C4BPB: variants seen among roughly 807,000 people sequenced by gnomAD.
C4BPB encodes C4b-binding protein beta chain.
C4BPB carries 19 observed loss-of-function variants against 26.6 expected under a neutral mutation model. The observed-to-expected ratio is 0.71, with a 90% CI of 0.50 to 1.05. The LOEUF is 1.05. Ranked by LOEUF, C4BPB falls within the 50% of genes least tolerant of loss-of-function variation. The probability of loss-of-function intolerance (pLI) is 0.00; values close to 1 mark genes in which losing one functional copy is unlikely to be tolerated. For synonymous variants in C4BPB, 118 were observed against 103.5 expected (o/e 1.14, Z -0.85); for missense variants, 282 against 302.9 (o/e 0.93, Z 0.51).
At position 207,089,499 on chromosome 1, in the gene C4BPB, AT is replaced by A; in HGVS notation, c.-31del. 6.2e-7 allele frequency: 1 copy of A among 1,610,024 alleles called. No individual in the cohort carries two copies. The highest frequency in any genetic ancestry group is 8.5e-7 in the Non-Finnish European group (1 of 1,176,382). On this transcript the variant is annotated 5_prime_UTR_variant, in exon 2 of 7. Coordinates refer to ENST00000367078, the MANE Select transcript of C4BPB (RefSeq NM_001017365.3). ...CAAACCAGGTGTCTGAGCTGGGTGAATTCCAGCCTGGGGAGAGGACTTTGAT... is the reference window on the plus strand; with the variant it reads ...CAAACCAGGTGTCTGAGCTGGGTGAATCCAGCCTGGGGAGAGGACTTTGAT...
intron 4 of C4BPB, 175 bp downstream of exon 4, chr1:207,091,995 G>A (rs1684046187): frequency 1.8e-6 from 1 of 569,856 alleles, no homozygotes; most frequent in Non-Finnish European, 3.0e-6. Flanking sequence ...CACCTCAAGA[G>A]AATACATTCC....
intron 1 of C4BPB, 177 bp from the exon 2 acceptor site, chr1:207,089,305 G>A (rs1052511): frequency 0.015 from 7,065 of 469,628 alleles, 361 homozygotes; most frequent in African/African-American, 0.12. Context: ...CCATCCCTTT[G>A]TATTTTTGCA....
intron 5 of C4BPB, 26 bp from the exon 6 acceptor site, chr1:207,098,124 T>G: frequency 6.3e-7 from 1 of 1,579,324 alleles, no homozygotes; most frequent in Non-Finnish European, 8.7e-7. Context: ...GTGGAAAAGC[T>G]AAGCCTTGTT....
rs546286544 is a variant in C4BPB at position 207,089,700 on chromosome 1, T to A, written c.58+111T>A. 3.8e-4 allele frequency: 339 copies of A among 884,824 alleles called. 2 individuals are homozygous for A. In the South Asian group the frequency reaches 4.9e-3, roughly 13 times the overall value. 54.8% of individuals were successfully genotyped at this position (884,824 alleles called of 1,614,324 possible). A position where few individuals can be genotyped will look rare whatever the true frequency, so the allele number is the denominator to read the frequency against. ...AAGTTTACATTTATAATATCTTTATTCTTCTATTGAAAAATCTCAAATTGG... is the reference window on the plus strand; with the variant it reads ...AAGTTTACATTTATAATATCTTTATACTTCTATTGAAAAATCTCAAATTGG... On this transcript the variant is annotated intron_variant, in intron 2 of 6. Coordinates refer to ENST00000367078, the MANE Select transcript of C4BPB (RefSeq NM_001017365.3).
At chr1:207,095,234 A>T (rs1047398810) in intron 4 of C4BPB, 9 of 454,684 alleles carry the variant, frequency 2.0e-5, no homozygotes, top group South Asian at 1.4e-4. Flanking sequence ...TAGCTAGTGG[A>T]AGAGCCAGTA....
At chr1:207,089,712 A>G in intron 2 of C4BPB, 123 bp downstream of exon 2, 1 of 805,484 alleles carries the variant, frequency 1.2e-6, no homozygotes, top group Non-Finnish European at 2.0e-6. Context: ...TTCTATTGAA[A>G]AATCTCAAAT....
At position 207,099,833 on chromosome 1, in the gene C4BPB, C is replaced by T. The variant is rs1194616806; in HGVS notation, c.663C>T (p.Asn221=). Residue 221 remains asparagine, a synonymous_variant, in exon 7 of 7, where the codon AAC becomes AAT. Coordinates refer to ENST00000367078, the MANE Select transcript of C4BPB (RefSeq NM_001017365.3). The stretch of plus-strand genomic sequence containing the variant: ...AGAACCTCTGCGAAGCCATGGAGAA[C>T]TTTATGCAACAATTAAAGGAAAGTG... The part of the protein sequence containing the change: ...ESKNLCEAME[N]FMQQLKESGM... 1.2e-6 allele frequency: 2 copies of T among 1,613,854 alleles called. No homozygotes were observed. The highest frequency in any genetic ancestry group is 4.5e-5 in the East Asian group (2 of 44,876).
chr1:207,091,731 G>T lies in C4BPB; in HGVS notation c.320G>T (p.Cys107Phe). ...GTAAGTGACAAAATCACGTTTATGTGCAATGACCACTACATCCTCAAGGGC... is the reference window on the plus strand; with the variant it reads ...GTAAGTGACAAAATCACGTTTATGTTCAATGACCACTACATCCTCAAGGGC... ...VNVSDKITFM[C>F]NDHYILKGSN... is the part of the protein sequence containing the mutation. The change falls in exon 4 of 7, where the codon TGC (cysteine) becomes TTC (phenylalanine). Residue 107 changes from cysteine (C) to phenylalanine (F), a missense_variant. Physicochemically the swap from Cys to Phe is radical, Grantham distance 205. Coordinates refer to ENST00000367078, the MANE Select transcript of C4BPB (RefSeq NM_001017365.3). 6.2e-7 allele frequency: 1 copy of T among 1,614,020 alleles called. No homozygotes were observed.
rs767670680 is a variant in C4BPB at position 207,091,706 on chromosome 1, G to C, written c.295G>C (p.Val99Leu). 3.7e-6 allele frequency: 6 copies of C among 1,614,018 alleles called. No individual in the cohort carries two copies. The highest frequency in any genetic ancestry group is 5.1e-6 in the Non-Finnish European group (6 of 1,179,954). ...GTTCAGTTCTTCAGGGCCTGTGAAT[G>C]TAAGTGACAAAATCACGTTTATGTG... The part of the protein sequence containing the change: ...GEFSSSGPVN[V>L]SDKITFMCND... The change falls in exon 4 of 7, where the codon GTA becomes CTA. Residue 99 changes from valine (V) to leucine (L), a missense_variant. Coordinates refer to ENST00000367078, the MANE Select transcript of C4BPB (RefSeq NM_001017365.3).
chr1:207,095,502 T>C (rs1227669236), intron 4 of C4BPB: 4 of 435,648 alleles, frequency 9.2e-6, no homozygotes, highest in African/African-American at 6.1e-5. Context: ...CTAATTTTTG[T>C]ATTTTTAGTA....
At chr1:207,095,451 C>T (rs1178026387) in intron 4 of C4BPB, 2 of 455,638 alleles carry the variant, frequency 4.4e-6, no homozygotes, top group South Asian at 3.1e-5. Context: ...ATGCCTCAGC[C>T]TCCCAAGTAG....
chr1:207,096,375 G>A (rs763780654), intron 4 of C4BPB, 147 bp from the exon 5 acceptor site: 51 of 659,344 alleles, frequency 7.7e-5, no homozygotes, highest in African/African-American at 6.4e-4. Flanking sequence ...TCCAGATCCC[G>A]CAGGTGTTGC....
intron 6 of C4BPB, among the ~76,000 whole-genome samples, chr1:207,099,450 G>A (rs1319162672): frequency 2.0e-5 from 3 of 152,136 alleles, no homozygotes; most frequent in Non-Finnish European, 4.4e-5. Flanking sequence ...CTGGGGTTGG[G>A]GATCCCTGTT....
In C4BPB at chr1:207,089,488, G is replaced by C; in HGVS notation, c.-44G>C. The C allele has an allele frequency of 1.3e-6, 2 of 1,586,156 alleles. No individual in the cohort carries two copies. The highest frequency in any genetic ancestry group is 1.7e-6 in the Non-Finnish European group (2 of 1,154,510). On this transcript the variant is annotated 5_prime_UTR_variant, in exon 2 of 7. Coordinates refer to ENST00000367078, the MANE Select transcript of C4BPB (RefSeq NM_001017365.3). ...CTATTTTTTTTCAAACCAGGTGTCTGAGCTGGGTGAATTCCAGCCTGGGGA... is the reference window on the plus strand; with the variant it reads ...CTATTTTTTTTCAAACCAGGTGTCTCAGCTGGGTGAATTCCAGCCTGGGGA...
At chr1:207,092,697 G>C (rs867883706) in intron 4 of C4BPB, among the ~76,000 whole-genome samples, 4 of 146,034 alleles carry the variant, frequency 2.7e-5, no homozygotes, top group African/African-American at 1.0e-4. Context: ...GTGTGATCTC[G>C]GCTCACTGCA....
intron 3 of C4BPB, among the ~76,000 whole-genome samples, chr1:207,091,353 A>G (rs973796423): frequency 1.3e-5 from 2 of 152,244 alleles, no homozygotes; most frequent in African/African-American, 2.4e-5. Flanking sequence ...GCTTAATATA[A>G]CAGTACAATA....
rs777331831 is a variant in C4BPB at position 207,091,643 on chromosome 1, G to A, written c.233-1G>A. 1 of 1,610,390 alleles carries A rather than the reference G, an allele frequency of 6.2e-7. No individual in the cohort carries two copies. ...AGCTTATTGCTTATTTTCTTCTTCA[G>A]TGGGCCACTGTCCTGATCCTGTGCT... On this transcript the variant is annotated splice_acceptor_variant, in intron 3 of 6. Coordinates refer to ENST00000367078, the MANE Select transcript of C4BPB (RefSeq NM_001017365.3). LOFTEE classifies it high-confidence loss of function.
chr1:207,098,229 C>T lies in C4BPB; in HGVS notation c.583C>T (p.Gln195Ter), dbSNP rs901384648. ...TGCACTTCCAGTCTGCAAGTTGATCCAGGAAGCTCCCAAACCAGAGTGTGA... is the reference window on the plus strand; with the variant it reads ...TGCACTTCCAGTCTGCAAGTTGATCTAGGAAGCTCCCAAACCAGAGTGTGA... Reference protein sequence around the residue: ...SSALPVCKLIQEAPKPECEKA... With the variant: ...SSALPVCKLI The change falls in exon 6 of 7, where the codon CAG becomes TAG. Residue 195 changes from glutamine to a stop codon, truncating the protein, a stop_gained. Coordinates refer to ENST00000367078, the MANE Select transcript of C4BPB (RefSeq NM_001017365.3). LOFTEE classifies it low-confidence loss of function (END_TRUNC). The T allele has an allele frequency of 1.9e-6, 3 of 1,613,706 alleles. No individual in the cohort carries two copies. Among genetic ancestry groups the T allele is most frequent in the Non-Finnish European group, 1.7e-6 (2 of 1,179,728 alleles).
Position 207,095,771 on chromosome 1 carries a change from G to A in C4BPB, c.410-751G>A, listed in dbSNP as rs894968279. On this transcript the variant is annotated intron_variant, in intron 4 of 6. Coordinates refer to ENST00000367078, the MANE Select transcript of C4BPB (RefSeq NM_001017365.3). Reference sequence around the variant, plus strand: ...CATGCGGGTGGATTTCTCATGAATGGTCTAGCACCATCTCCCTAGGTACTG... The same window carrying A: ...CATGCGGGTGGATTTCTCATGAATGATCTAGCACCATCTCCCTAGGTACTG... 19 of 291,012 alleles carry A rather than the reference G, an allele frequency of 6.5e-5. 1 individual carries two copies. The highest frequency in any genetic ancestry group is 6.0e-4 in the South Asian group (19 of 31,818). 18.0% of individuals were successfully genotyped at this position (291,012 alleles called of 1,614,324 possible).
Sources: gnomAD v4.1 joint callset for allele counts (sites outside exome capture counted in the v4.1 genomes callset) on GRCh38, gnomAD v4.1.1 for gene constraint, MANE v1.5 for transcripts, NCBI Gene and HGNC (gene_info 2026-07-23, HGNC 2026-07-21) for gene names.